Variants in APBB2 observed in about 807,000 individuals in gnomAD.
APBB2 encodes the protein Fe65-like 1.
In APBB2, 38 loss-of-function variants were observed where a neutral mutation model predicts 82.5. The ratio of observed to expected loss-of-function variants is 0.46; its 90% CI spans 0.36 to 0.60. APBB2 has a LOEUF of 0.60. Ranked by LOEUF, APBB2 falls within the 20% of genes least tolerant of loss-of-function variation. The pLI is 0.00. For missense variants in APBB2, 772 were observed against 972.3 expected, an observed-to-expected ratio of 0.79 and a Z score of 2.74; for synonymous variants, 341 against 368.2, an observed-to-expected ratio of 0.93 and a Z score of 0.85.
chr4:41,181,959 A>G (rs1428863233), intron 1 of APBB2, among the ~76,000 whole-genome samples: 1 of 151,586 alleles, frequency 6.6e-6, no homozygotes, highest in African/African-American at 2.4e-5. Context: ...AAAAAAAAAA[A>G]AAGAAAAAGA....
At chr4:41,117,482 G>C (rs1207189470) in intron 2 of APBB2, among the ~76,000 whole-genome samples, 1 of 151,888 alleles carries the variant, frequency 6.6e-6, no homozygotes, top group Admixed American at 6.6e-5. Flanking sequence ...TGATAAAGAT[G>C]GGGTTTCACC....
At chr4:40,821,441 G>C (rs1179816086) in intron 17 of APBB2, among the ~76,000 whole-genome samples, 1 of 152,186 alleles carries the variant, frequency 6.6e-6, no homozygotes, top group Non-Finnish European at 1.5e-5. Context: ...TTGTCGGAAG[G>C]ACTGAGTTAA....
At chr4:40,856,972 C>T in intron 12 of APBB2, 4 of 985,550 alleles carry the variant, frequency 4.1e-6, no homozygotes, top group South Asian at 9.4e-5. Flanking sequence ...ACCCCCGTTC[C>T]CCCTGAACGC....
intron 1 of APBB2, among the ~76,000 whole-genome samples, chr4:41,195,525 C>T: frequency 1.3e-5 from 2 of 152,178 alleles, no homozygotes; most frequent in Non-Finnish European, 2.9e-5. Flanking sequence ...AGAGCCTCGC[C>T]ACAGGTCTCC....
At position 41,116,246 on chromosome 4, in the gene APBB2, T is replaced by C. The variant is rs1001677054; in HGVS notation, c.-260-15496A>G. Among the ~76,000 whole-genome samples the C allele has an allele frequency of 2.6e-5, 4 of 152,032 alleles. No individual in the cohort carries two copies. The South Asian group carries it at 6.2e-4, about 24-fold the overall frequency. ...ACCAAACACTGCATGTTATCACTCATGGGTGGGAGTTGAACAATGGGAACA... is the reference window on the plus strand; with the variant it reads ...ACCAAACACTGCATGTTATCACTCACGGGTGGGAGTTGAACAATGGGAACA... On this transcript the variant is annotated intron_variant, in intron 2 of 17. Transcript: ENST00000508593.
intron 2 of APBB2, among the ~76,000 whole-genome samples, chr4:41,140,393 CTT>C (rs1315008870): frequency 6.6e-6 from 1 of 152,154 alleles, no homozygotes; most frequent in Non-Finnish European, 1.5e-5. Flanking sequence ...TTTTTTAAAT[CTT>C]TTTAATGTTT....
intron 1 of APBB2, among the ~76,000 whole-genome samples, chr4:41,159,904 G>A (rs1391399309): frequency 3.4e-5 from 2 of 59,148 alleles, no homozygotes; most frequent in African/African-American, 8.7e-5. Context: ...GAAGAAGAAG[G>A]AGAAGGAGGA....
At chr4:41,020,967 C>A (rs965013163) in intron 5 of APBB2, among the ~76,000 whole-genome samples, 3 of 152,222 alleles carry the variant, frequency 2.0e-5, no homozygotes, top group African/African-American at 7.2e-5. Flanking sequence ...TGAAATCAGA[C>A]AACGCCTTTC....
At chr4:41,086,169 G>A (rs923711973) in intron 3 of APBB2, among the ~76,000 whole-genome samples, 2 of 152,088 alleles carry the variant, frequency 1.3e-5, no homozygotes, top group African/African-American at 4.8e-5. Context: ...CAGAGACATT[G>A]ATTAGTAATC....
chr4:41,062,399 G>A (rs1461142795), intron 4 of APBB2, among the ~76,000 whole-genome samples: 1 of 151,782 alleles, frequency 6.6e-6, no homozygotes, highest in Non-Finnish European at 1.5e-5. Context: ...GGCTGGTCTC[G>A]AATTCCTGAC....
At chr4:41,080,505 C>A (rs1737201306) in intron 3 of APBB2, among the ~76,000 whole-genome samples, 1 of 151,984 alleles carries the variant, frequency 6.6e-6, no homozygotes, top group African/African-American at 2.4e-5. Context: ...TAGCTGTACA[C>A]AACAAGATCA....
intron 1 of APBB2, among the ~76,000 whole-genome samples, chr4:41,159,409 GACTT>G (rs1764284556): frequency 6.6e-6 from 1 of 152,130 alleles, no homozygotes; most frequent in South Asian, 2.1e-4. Flanking sequence ...AATATTAGCC[GACTT>G]ACTTAACTCC....
chr4:41,186,922 T>C (rs929505401), intron 1 of APBB2, among the ~76,000 whole-genome samples: 1 of 152,226 alleles, frequency 6.6e-6, no homozygotes, highest in Non-Finnish European at 1.5e-5. Context: ...GTACTATATG[T>C]TCCTTTGAAA....
chr4:41,068,996 A>G (rs1732913651), intron 3 of APBB2, among the ~76,000 whole-genome samples: 1 of 151,802 alleles, frequency 6.6e-6, no homozygotes, highest in South Asian at 2.1e-4. Context: ...GGGTTTCACC[A>G]TGTTGGCCAG....
chr4:41,210,497 A>G (rs896799680), intron 1 of APBB2, among the ~76,000 whole-genome samples: 6 of 152,216 alleles, frequency 3.9e-5, no homozygotes, highest in African/African-American at 1.4e-4. Context: ...TGCCTCTGAC[A>G]AACCATTTCG....
At chr4:41,005,042 G>A (rs62412096) in intron 6 of APBB2, among the ~76,000 whole-genome samples, 20,773 of 152,010 alleles carry the variant, frequency 0.14, 4,120 homozygotes, top group African/African-American at 0.44. Flanking sequence ...AGAGCTGTTC[G>A]AGTTTGCTAT....
intron 6 of APBB2, among the ~76,000 whole-genome samples, chr4:40,977,817 T>C (rs6823929): frequency 0.052 from 7,927 of 152,216 alleles, 696 homozygotes; most frequent in African/African-American, 0.18. Flanking sequence ...ACTGGAGACA[T>C]TGCTGTCACC....
intron 6 of APBB2, among the ~76,000 whole-genome samples, chr4:41,000,031 G>A (rs1389481614): frequency 6.8e-6 from 1 of 146,084 alleles, no homozygotes; most frequent in Non-Finnish European, 1.5e-5. Flanking sequence ...AAAAACAAAC[G>A]TGTGTGTGTG....
chr4:40,973,732 C>A (rs1418866214), intron 6 of APBB2, among the ~76,000 whole-genome samples: 2 of 152,156 alleles, frequency 1.3e-5, no homozygotes, highest in African/African-American at 4.8e-5. Context: ...CTGGTAGTCC[C>A]AGACATTCCT....
Sources: allele counts gnomAD v4.1 joint callset (sites outside exome capture counted in the v4.1 genomes callset), GRCh38; gene constraint gnomAD v4.1.1; transcripts MANE v1.5; gene names NCBI Gene and HGNC (gene_info 2026-07-23, HGNC 2026-07-21).